Variants in SCN4A observed in about 807,000 individuals in gnomAD.
SCN4A encodes the protein sodium channel protein type 4 subunit alpha.
In SCN4A, 83 loss-of-function variants were observed where a neutral mutation model predicts 162.0. That is an observed-to-expected ratio of 0.51 (90% CI 0.43 to 0.61). The LOEUF is 0.61. Ranked by LOEUF, SCN4A falls within the 20% of genes least tolerant of loss-of-function variation. The pLI is 0.00. For missense variants in SCN4A, 2,196 were observed against 2,462.5 expected (o/e 0.89, Z 2.29); for synonymous variants, 944 against 985.1 (o/e 0.96, Z 0.78).
chr17:63,944,931 C>A lies in SCN4A; in HGVS notation c.3774+76G>T, dbSNP rs1172508262. On this transcript the variant is annotated intron_variant, in intron 20 of 23. Coordinates refer to ENST00000435607, the MANE Select transcript of SCN4A (RefSeq NM_000334.4). This position sits in a 1 kb window ranked among gnomAD's most constrained non-coding sequence, Gnocchi z 4.3. The stretch of plus-strand genomic sequence containing the variant: ...TGCCAAGTCTCGGGGACAGAACGTG[C>A]TGCCAAGTCTCCCTCCTGTCTTGAG... The A allele has an allele frequency of 8.2e-6, 13 of 1,589,254 alleles. No individual in the cohort carries two copies. Among genetic ancestry groups the A allele is most frequent in the Non-Finnish European group, 1.0e-5 (12 of 1,162,000 alleles).
In SCN4A at chr17:63,966,090, G is replaced by C; in HGVS notation, c.1242+12C>G. The C allele has an allele frequency of 6.4e-7, 1 of 1,567,234 alleles. No individual in the cohort carries two copies. On this transcript the variant is annotated intron_variant, in intron 8 of 23. Transcript: ENST00000435607. ...GCTGTAGGGTTGGGGGGCAGGGTGG[G>C]GGCAGCTGTACCAGCTGGAAGAGGT...
In SCN4A at chr17:63,941,924, G is replaced by A. The variant is rs779470034; in HGVS notation, c.4358C>T (p.Ala1453Val). The stretch of plus-strand genomic sequence containing the variant: ...CAGCCGCAGGACACGCCCAATCCGC[G>A]CCAGGCGGATCACACGGAACAGCGT... Reference protein sequence around the residue: ...SPTLFRVIRLARIGRVLRLIR... With the variant: ...SPTLFRVIRLVRIGRVLRLIR... The change falls in exon 24 of 24, where the codon GCG (alanine) becomes GTG (valine). Residue 1453 changes from alanine (A) to valine (V), a missense_variant. By Grantham distance (64) the Ala-to-Val change is moderately conservative (BLOSUM62 0). Coordinates refer to ENST00000435607, the MANE Select transcript of SCN4A (RefSeq NM_000334.4). The surrounding 1 kb of genome is among the most constrained non-coding windows in gnomAD (Gnocchi z 6.2). 1.8e-5 allele frequency: 29 copies of A among 1,610,092 alleles called. No individual in the cohort carries two copies. The highest frequency in any genetic ancestry group is 6.7e-5 in the East Asian group (3 of 44,796).
In SCN4A at chr17:63,948,662, G is replaced by C. The variant is rs779124566; in HGVS notation, c.3093C>G (p.Asn1031Lys). 31 of 1,613,778 alleles carry C rather than the reference G, an allele frequency of 1.9e-5. No individual in the cohort carries two copies. In the South Asian group the frequency reaches 3.4e-4, roughly 18 times the overall value. ...TGAAGACAATGAAGGTCTCGAACCA[G>C]TTGTGCTCGACAATCTTGAAGCAGG... is the stretch of plus-strand genomic sequence containing the variant. ...RRACFKIVEH[N>K]WFETFIVFMI... Residue 1031 changes from asparagine (N) to lysine (K), a missense_variant, in exon 16 of 24, where the codon AAC (asparagine) becomes AAG (lysine). Transcript: ENST00000435607.
Position 63,950,968 on chromosome 17 carries a change from C to T in SCN4A, c.2853+456G>A, listed in dbSNP as rs1024913747. Among the ~76,000 whole-genome samples the T allele has an allele frequency of 1.3e-5, 2 of 152,226 alleles. No individual in the cohort carries two copies. The highest frequency in any genetic ancestry group is 4.8e-5 in the African/African-American group (2 of 41,462). ...CCTGGATCTGGCACTTTGGCCCACA[C>T]TGGGAGGTTGGGAGCAGACCCAGGT... On this transcript the variant is annotated intron_variant, in intron 14 of 23. Transcript: ENST00000435607. This position sits in a 1 kb window ranked among gnomAD's most constrained non-coding sequence, Gnocchi z 4.6.
intron 17 of SCN4A, 124 bp downstream of exon 17, chr17:63,947,766 T>G: frequency 1.1e-6 from 1 of 895,722 alleles, no homozygotes; most frequent in Non-Finnish European, 1.7e-6. Flanking sequence ...GCAGCACTGA[T>G]TGAGGGTCTG....
rs1054527495 is a variant in SCN4A, at chr17:63,957,621, G to T, written c.2020-103C>A. On this transcript the variant is annotated intron_variant, in intron 12 of 23. Transcript: ENST00000435607. ...CAGTGTCGAGTAGCTTGAATCTCCAGCCCCCCACACCATCTGAGTCCTCAG... is the reference window on the plus strand; with the variant it reads ...CAGTGTCGAGTAGCTTGAATCTCCATCCCCCCACACCATCTGAGTCCTCAG... 6.9e-6 allele frequency: 5 copies of T among 727,554 alleles called. No individual in the cohort carries two copies. In the South Asian group the frequency reaches 7.1e-5, roughly 10 times the overall value. The allele number at this position is 727,554 out of a possible 1,614,324, so 45.1% of individuals were successfully genotyped here.
intron 10 of SCN4A, among the ~76,000 whole-genome samples, chr17:63,962,060 C>A (rs1225375692): frequency 6.6e-6 from 1 of 152,016 alleles, no homozygotes; most frequent in East Asian, 1.9e-4. Context: ...CAATGCCCTG[C>A]CTCAAGCCCC....
intron 15 of SCN4A, 99 bp from the exon 16 acceptor site, chr17:63,948,864 C>T: frequency 8.8e-7 from 1 of 1,133,628 alleles, no homozygotes; most frequent in Non-Finnish European, 1.2e-6. Context: ...CCCAGGATGC[C>T]CCTCTCCAGC....
chr17:63,957,411 G>T lies in SCN4A; in HGVS notation c.2127C>A (p.Ile709=), dbSNP rs1202339204. ...ALGNLTLVLA[I]IVFIFAVVGM... is the part of the protein sequence containing the mutation. ...CCACCACGGCGAAGATGAACACGAT[G>T]ATAGCCAGCACCAGCGTCAGGTTAC... Residue 709 remains isoleucine, a synonymous_variant, in exon 13 of 24, where the codon ATC becomes ATA. Transcript: ENST00000435607. 1.2e-6 allele frequency: 2 copies of T among 1,613,976 alleles called. No homozygotes were observed. The highest frequency in any genetic ancestry group is 1.7e-6 in the Non-Finnish European group (2 of 1,179,944).
chr17:63,971,801 C>T lies in SCN4A; in HGVS notation c.532G>A (p.Ala178Thr), dbSNP rs1293103875. 2 of 1,613,596 alleles carry T rather than the reference C, an allele frequency of 1.2e-6. No individual in the cohort carries two copies. The highest frequency in any genetic ancestry group is 3.3e-5 in the Admixed American group (2 of 59,970). Residue 178 changes from alanine (A) to threonine (T), a missense_variant, in exon 4 of 24, where the codon GCC becomes ACC. Transcript: ENST00000435607. ...YTFESLIKILARGFCVDDFTF... is the reference protein window; with the variant it reads ...YTFESLIKILTRGFCVDDFTF... The stretch of plus-strand genomic sequence containing the variant: ...AAGTCGTCGACACAGAAGCCTCGGG[C>T]CAGTATCTTGATGAGGGACTCAAAG...
At chr17:63,957,131 G>T in intron 13 of SCN4A, 31 bp downstream of exon 13, 1 of 1,452,690 alleles carries the variant, frequency 6.9e-7, no homozygotes, top group Non-Finnish European at 9.5e-7. Flanking sequence ...TCCCGGGTGA[G>T]GGCAGGGGCC....
chr17:63,954,274 G>A (rs115021681), intron 13 of SCN4A, among the ~76,000 whole-genome samples: 4,655 of 152,280 alleles, frequency 0.031, 239 homozygotes, highest in African/African-American at 0.11. Flanking sequence ...GAGAGAATGT[G>A]CTAGGGGAAT....
chr17:63,959,800 T>C lies in SCN4A; in HGVS notation c.1846-362A>G, dbSNP rs185285011. ...TTCACTGGTATCCTGATCTCTACAA[T>C]GTTGGGAGGGATTCTCACATGCATT... On this transcript the variant is annotated intron_variant, in intron 11 of 23. Coordinates refer to ENST00000435607, the MANE Select transcript of SCN4A (RefSeq NM_000334.4). Among the ~76,000 whole-genome samples, 144 of 152,254 alleles carry C rather than the reference T, an allele frequency of 9.5e-4. 1 individual carries two copies. Among genetic ancestry groups the C allele is most frequent in the African/African-American group, 3.4e-3 (141 of 41,536 alleles).
rs1370900239 is a variant in SCN4A at position 63,938,577 on chromosome 17, T to C, written c.*2194A>G. 2 of 152,616 alleles carry C rather than the reference T, an allele frequency of 1.3e-5. No individual in the cohort carries two copies. Among genetic ancestry groups the C allele is most frequent in the Admixed American group, 6.5e-5 (1 of 15,282 alleles). 9.5% of individuals were successfully genotyped at this position (152,616 alleles called of 1,614,324 possible). ...TACCAGAGGCACCAAGGAGGGTTTA[T>C]TGTAAGAACTGTACAAAGGAGCCCG... On this transcript the variant is annotated 3_prime_UTR_variant, in exon 24 of 24. Coordinates refer to ENST00000435607, the MANE Select transcript of SCN4A (RefSeq NM_000334.4).
chr17:63,960,148 T>A (rs1342425524), intron 11 of SCN4A, among the ~76,000 whole-genome samples: 3 of 152,230 alleles, frequency 2.0e-5, no homozygotes, highest in African/African-American at 7.2e-5. Context: ...AGGCACCAGC[T>A]GCCCTGGGTC....
At chr17:63,965,995 T>A in intron 8 of SCN4A, 107 bp downstream of exon 8, 1 of 752,788 alleles carries the variant, frequency 1.3e-6, no homozygotes, top group South Asian at 1.6e-5. Flanking sequence ...GATGGCCCAG[T>A]TCGGGGGTTG....
chr17:63,945,143 G>C lies in SCN4A; in HGVS notation c.3721-83C>G. ...TGAGTTTCCCTCCCCCACCCAACCTGGTCCTCCCCTGCCAGAGGCCGCCTG... is the reference window on the plus strand; with the variant it reads ...TGAGTTTCCCTCCCCCACCCAACCTCGTCCTCCCCTGCCAGAGGCCGCCTG... On this transcript the variant is annotated intron_variant, in intron 19 of 23. Coordinates refer to ENST00000435607, the MANE Select transcript of SCN4A (RefSeq NM_000334.4). This position sits in a 1 kb window ranked among gnomAD's most constrained non-coding sequence, Gnocchi z 4.4. 1.4e-6 allele frequency: 2 copies of C among 1,435,244 alleles called. No individual in the cohort carries two copies. The highest frequency in any genetic ancestry group is 2.8e-5 in the African/African-American group (2 of 71,578). The allele number at this position is 1,435,244 out of a possible 1,614,324, so 88.9% of individuals were successfully genotyped here. A position where few individuals can be genotyped will look rare whatever the true frequency, so the allele number is the denominator to read the frequency against.
In SCN4A at chr17:63,951,455, G is replaced by T. The variant is rs1445987099; in HGVS notation, c.2822C>A (p.Thr941Asn). ...ATCCTCAGGCTCTGAGAAAGTGTCGGTTTCCTCCTCGGTGGGCATCTCCAG... is the reference window on the plus strand; with the variant it reads ...ATCCTCAGGCTCTGAGAAAGTGTCGTTTTCCTCCTCGGTGGGCATCTCCAG... ...SDLEMPTEEE[T>N]DTFSEPEDSK... Residue 941 changes from threonine (T) to asparagine (N), a missense_variant, in exon 14 of 24, where the codon ACC becomes AAC. Transcript: ENST00000435607. The surrounding 1 kb of genome is among the most constrained non-coding windows in gnomAD (Gnocchi z 4.5). 1.2e-6 allele frequency: 2 copies of T among 1,606,174 alleles called. No homozygotes were observed. Among genetic ancestry groups the T allele is most frequent in the Admixed American group, 1.7e-5 (1 of 59,834 alleles).
chr17:63,964,835 T>A (rs1157735722), intron 8 of SCN4A, among the ~76,000 whole-genome samples, 158 bp from the exon 9 acceptor site: 1 of 152,184 alleles, frequency 6.6e-6, no homozygotes, highest in Non-Finnish European at 1.5e-5. Context: ...CTGAGCCATG[T>A]TCTGGGGAAC....
Sources: allele counts gnomAD v4.1 joint callset (sites outside exome capture counted in the v4.1 genomes callset), GRCh38; gene constraint gnomAD v4.1.1; non-coding constraint Gnocchi (gnomAD v3.1); transcripts MANE v1.5; gene names NCBI Gene and HGNC (gene_info 2026-07-23, HGNC 2026-07-21).